The following NRP2 variants were observed in gnomAD, a reference collection of about 807,000 sequenced individuals.
NRP2 encodes the protein neuropilin-2.
NRP2 carries 52 observed loss-of-function variants against 110.4 expected under a neutral mutation model. That is an observed-to-expected ratio of 0.47 (90% CI 0.38 to 0.59). NRP2 has a LOEUF of 0.59. Among genes scored for constraint, NRP2 ranks in the 20% least tolerant of loss-of-function variants. The pLI is 0.00. For synonymous variants in NRP2, 508 were observed against 468.9 expected (o/e 1.08, Z -1.08); for missense variants, 1,049 against 1,203.0 (o/e 0.87, Z 1.89).
At chr2:205,735,138 G>A (rs573673550) in intron 7 of NRP2, among the ~76,000 whole-genome samples, 18 of 152,070 alleles carry the variant, frequency 1.2e-4, no homozygotes, top group African/African-American at 3.9e-4. Flanking sequence ...GGCCCCAGAG[G>A]CAGGCATGAT....
chr2:205,722,830 G>A, intron 4 of NRP2, 122 bp downstream of exon 4: 1 of 769,048 alleles, frequency 1.3e-6, no homozygotes, highest in Non-Finnish European at 2.2e-6. Context: ...GACCCATGGT[G>A]ACTTTCTCTT....
intron 15 of NRP2, among the ~76,000 whole-genome samples, chr2:205,774,877 C>G (rs987711160): frequency 2.0e-5 from 3 of 152,140 alleles, no homozygotes; most frequent in African/African-American, 4.8e-5. Flanking sequence ...TGGATGAGAG[C>G]AAGTTCCTCA....
chr2:205,717,723 A>G (rs1435996641), intron 3 of NRP2, among the ~76,000 whole-genome samples: 1 of 152,182 alleles, frequency 6.6e-6, no homozygotes, highest in East Asian at 1.9e-4. Flanking sequence ...CTTGATCCAT[A>G]TTCCCCTGAG....
intron 16 of NRP2, among the ~76,000 whole-genome samples, chr2:205,792,752 G>T (rs756046042): frequency 6.6e-6 from 1 of 152,156 alleles, no homozygotes; most frequent in Non-Finnish European, 1.5e-5. Context: ...CTTCTTGCAA[G>T]ATTTCGGTTT....
intron 16 of NRP2, among the ~76,000 whole-genome samples, chr2:205,793,005 A>C (rs2058318006): frequency 6.6e-6 from 1 of 152,224 alleles, no homozygotes; most frequent in South Asian, 2.1e-4. Context: ...TGATGAATTT[A>C]AGAGGAACAG....
In NRP2 at chr2:205,795,313, C is replaced by T. The variant is rs542687948; in HGVS notation, c.*255C>T. 1 of 441,272 alleles carries T rather than the reference C, an allele frequency of 2.3e-6. No homozygotes were observed. The highest frequency in any genetic ancestry group is 2.0e-5 in the African/African-American group (1 of 50,470). The allele number at this position is 441,272 out of a possible 1,614,324, so 27.3% of individuals were successfully genotyped here. A position where few individuals can be genotyped will look rare whatever the true frequency, so the allele number is the denominator to read the frequency against. On this transcript the variant is annotated 3_prime_UTR_variant, in exon 17 of 17. Transcript: ENST00000357785. Reference sequence around the variant, plus strand: ...GGCTGTGTTCTCTGCTGGGACAAAACAGGAGCTCATCTCTTTGGGGTCACA... The same window carrying T: ...GGCTGTGTTCTCTGCTGGGACAAAATAGGAGCTCATCTCTTTGGGGTCACA...
chr2:205,770,310 C>G (rs1347680841), intron 15 of NRP2, among the ~76,000 whole-genome samples: 1 of 152,180 alleles, frequency 6.6e-6, no homozygotes, highest in East Asian at 1.9e-4. Context: ...CCACAGTTCT[C>G]ATCCAGACAA....
chr2:205,686,792 GT>G lies in NRP2; in HGVS notation c.73+3430del, dbSNP rs984885345. On this transcript the variant is annotated intron_variant, in intron 1 of 16. Coordinates refer to ENST00000357785, the MANE Select transcript of NRP2 (RefSeq NM_003872.3). This position sits in a 1 kb window ranked among gnomAD's most constrained non-coding sequence, Gnocchi z 4.7. ...GAGATCCACGCTCAGGTTTATTGGC[GT>G]GTGCTCCCTGCTCGGCTCCCCTCCC... Among the ~76,000 whole-genome samples the G allele has an allele frequency of 3.9e-5, 6 of 152,228 alleles. No homozygotes were observed. The highest frequency in any genetic ancestry group is 6.5e-5 in the Admixed American group (1 of 15,298).
intron 1 of NRP2, among the ~76,000 whole-genome samples, chr2:205,688,681 T>C (rs1315790353): frequency 2.0e-5 from 3 of 152,144 alleles, no homozygotes; most frequent in African/African-American, 7.2e-5. Flanking sequence ...ACTGGGAACA[T>C]TGCCAAATTA....
intron 7 of NRP2, among the ~76,000 whole-genome samples, chr2:205,737,850 A>G (rs966641141): frequency 1.1e-4 from 16 of 152,174 alleles, no homozygotes; most frequent in Non-Finnish European, 2.4e-4. Context: ...TACTGTAAGC[A>G]GAGATTAGGG....
intron 5 of NRP2, among the ~76,000 whole-genome samples, chr2:205,724,345 CA>C (rs2057083082): frequency 6.6e-6 from 1 of 152,106 alleles, no homozygotes; most frequent in African/African-American, 2.4e-5. Flanking sequence ...GCAATTGTCA[CA>C]AAAGTGAACC....
chr2:205,700,658 G>A, intron 2 of NRP2: 1 of 516,464 alleles, frequency 1.9e-6, no homozygotes, highest in Non-Finnish European at 3.9e-6. Flanking sequence ...GTAAACCCCA[G>A]ATAGACCTTT....
intron 2 of NRP2, among the ~76,000 whole-genome samples, chr2:205,705,571 C>T (rs17386988): frequency 0.22 from 33,247 of 152,080 alleles, 3,900 homozygotes; most frequent in Middle Eastern, 0.35. Context: ...TTGTGGGTCA[C>T]GTGGAGGAAC....
chr2:205,729,437 G>A (rs1344599361), intron 7 of NRP2, among the ~76,000 whole-genome samples: 1 of 152,250 alleles, frequency 6.6e-6, no homozygotes, highest in Non-Finnish European at 1.5e-5. Context: ...GCCTGAATTG[G>A]CACTGGGTGC....
chr2:205,685,173 C>A (rs1211699309), intron 1 of NRP2, among the ~76,000 whole-genome samples: 1 of 152,216 alleles, frequency 6.6e-6, no homozygotes, highest in Admixed American at 6.5e-5. Flanking sequence ...CTCTGCAGAA[C>A]CCCCTCCCAT....
At chr2:205,692,139 A>G (rs913347131) in intron 1 of NRP2, among the ~76,000 whole-genome samples, 4 of 152,096 alleles carry the variant, frequency 2.6e-5, no homozygotes, top group Non-Finnish European at 5.9e-5. Context: ...TGGCCCTTTT[A>G]TTCAGATTTT....
At chr2:205,721,125 T>A (rs78111499) in intron 3 of NRP2, among the ~76,000 whole-genome samples, 1,697 of 152,302 alleles carry the variant, frequency 0.011, 27 homozygotes, top group African/African-American at 0.03. Flanking sequence ...CTTTCCAGAA[T>A]GCTGTCATCA....
intron 2 of NRP2, among the ~76,000 whole-genome samples, chr2:205,711,092 CAG>C (rs2056788732): frequency 6.6e-6 from 1 of 152,180 alleles, no homozygotes; most frequent in Non-Finnish European, 1.5e-5. Context: ...GGCACAAAGA[CAG>C]AGAGTATAAA....
chr2:205,697,484 G>T (rs564607294), intron 1 of NRP2, 60 bp from the exon 2 acceptor site: 46 of 1,455,400 alleles, frequency 3.2e-5, no homozygotes, highest in Admixed American at 5.0e-5. Context: ...AGGAGGGAGT[G>T]TGGGGGGAAG....
Sources: allele counts gnomAD v4.1 joint callset (sites outside exome capture counted in the v4.1 genomes callset), GRCh38; gene constraint gnomAD v4.1.1; non-coding constraint Gnocchi (gnomAD v3.1); transcripts MANE v1.5; gene names NCBI Gene and HGNC (gene_info 2026-07-23, HGNC 2026-07-21).